Variants in SS18 observed in about 807,000 individuals in gnomAD.
SS18 encodes SS18 subunit of BAF chromatin remodeling complex, also known as protein SSXT.
In SS18, 28 loss-of-function variants were observed where a neutral mutation model predicts 72.5. That is an observed-to-expected ratio of 0.39 (90% CI 0.29 to 0.53). The LOEUF (loss-of-function observed/expected upper bound fraction) is 0.53, where lower values mean the gene tolerates loss of function less well. Among genes scored for constraint, SS18 ranks in the 20% least tolerant of loss-of-function variants. SS18 has a pLI of 0.76. For missense variants in SS18, 518 were observed against 535.3 expected (o/e 0.97, Z 0.32); for synonymous variants, 172 against 164.2 (o/e 1.05, Z -0.37).
rs182847521 is a variant in SS18 at position 26,069,191 on chromosome 18, A to G, written c.231+8885T>C. On this transcript the variant is annotated intron_variant, in intron 3 of 10. Coordinates refer to ENST00000415083, the MANE Select transcript of SS18 (RefSeq NM_001007559.3). Reference sequence around the variant, plus strand: ...GTGTACCTATATCTTTATTATCGTCATCATCGCCAATATTCACTGAGTACC... The same window carrying G: ...GTGTACCTATATCTTTATTATCGTCGTCATCGCCAATATTCACTGAGTACC... Among the ~76,000 whole-genome samples the G allele has an allele frequency of 3.5e-3, 539 of 152,260 alleles. 2 individuals carry two copies. The highest frequency in any genetic ancestry group is 0.01 in the Middle Eastern group (3 of 294).
At chr18:26,051,831 T>C (rs1441790361) in intron 5 of SS18, among the ~76,000 whole-genome samples, 1 of 152,206 alleles carries the variant, frequency 6.6e-6, no homozygotes, top group African/African-American at 2.4e-5. Flanking sequence ...AAAATTATAT[T>C]ATTTCATCAT....
chr18:26,049,446 T>A (rs746076487), intron 5 of SS18, among the ~76,000 whole-genome samples: 1 of 152,222 alleles, frequency 6.6e-6, no homozygotes, highest in Non-Finnish European at 1.5e-5. Flanking sequence ...TGAATTCTAG[T>A]GAAGTTTATG....
intron 5 of SS18, among the ~76,000 whole-genome samples, chr18:26,046,854 A>G (rs1295726646): frequency 6.6e-6 from 1 of 152,222 alleles, no homozygotes; most frequent in Admixed American, 6.5e-5. Context: ...ACAAAATCTA[A>G]AAGTAACATC....
At chr18:26,070,027 G>A (rs2054286702) in intron 3 of SS18, among the ~76,000 whole-genome samples, 2 of 152,122 alleles carry the variant, frequency 1.3e-5, no homozygotes, top group South Asian at 4.1e-4. Context: ...AGGGGATGAG[G>A]ATTGAAAAAT....
Position 26,052,984 on chromosome 18 carries a change from T to C in SS18, c.386-139A>G, listed in dbSNP as rs755292056. On this transcript the variant is annotated intron_variant, in intron 4 of 10. Transcript: ENST00000415083. ...AATCGATAGCAAAGTAAATGGTTTATAGGAAAAGACAGCAAATACTGTGAA... is the reference window on the plus strand; with the variant it reads ...AATCGATAGCAAAGTAAATGGTTTACAGGAAAAGACAGCAAATACTGTGAA... 51 of 684,674 alleles carry C rather than the reference T, an allele frequency of 7.4e-5. No homozygotes were observed. The Middle Eastern group carries it at 2.1e-3, about 28-fold the overall frequency. The allele number at this position is 684,674 out of a possible 1,614,324, so 42.4% of individuals were successfully genotyped here.
chr18:26,054,057 C>T (rs2053969047), intron 4 of SS18, among the ~76,000 whole-genome samples: 1 of 152,144 alleles, frequency 6.6e-6, no homozygotes, highest in Non-Finnish European at 1.5e-5. Flanking sequence ...TTCCACATAA[C>T]CTATGTACAT....
chr18:26,027,638 C>T (rs538295235), intron 10 of SS18, among the ~76,000 whole-genome samples: 2 of 123,438 alleles, frequency 1.6e-5, no homozygotes, highest in African/African-American at 6.0e-5. Flanking sequence ...CGCCACTGCA[C>T]ACCAGCCTGG....
At chr18:26,067,885 G>A (rs2054247591) in intron 3 of SS18, among the ~76,000 whole-genome samples, 1 of 152,088 alleles carries the variant, frequency 6.6e-6, no homozygotes, top group African/African-American at 2.4e-5. Context: ...TGGTGGGAGG[G>A]GCAGGCGAGG....
intron 9 of SS18, among the ~76,000 whole-genome samples, chr18:26,034,235 A>G (rs536394874): frequency 1.3e-5 from 2 of 152,306 alleles, no homozygotes; most frequent in South Asian, 2.1e-4. Flanking sequence ...AATAAAAATA[A>G]TAAGATATTA....
intron 3 of SS18, among the ~76,000 whole-genome samples, chr18:26,064,657 A>T (rs1163487843): frequency 6.6e-6 from 1 of 152,110 alleles, no homozygotes; most frequent in Non-Finnish European, 1.5e-5. Flanking sequence ...TTACTAATGA[A>T]ATACTGGATT....
chr18:26,080,230 A>G, intron 2 of SS18: 1 of 452,898 alleles, frequency 2.2e-6, no homozygotes, highest in Non-Finnish European at 2.9e-6. Flanking sequence ...TCTAGGAAGG[A>G]ACTTAAAATA....
Position 26,046,092 on chromosome 18 carries a change from C to T in SS18, c.607+6532G>A, listed in dbSNP as rs140900351. Among the ~76,000 whole-genome samples, 649 of 147,010 alleles carry T rather than the reference C, an allele frequency of 4.4e-3. 4 individuals carry two copies. The highest frequency in any genetic ancestry group is 0.015 in the African/African-American group (584 of 39,386). On this transcript the variant is annotated intron_variant, in intron 5 of 10. Transcript: ENST00000415083. ...ATCCCAGCTACTCGGGAAGCTGAGG[C>T]AGGAGAATCGAAACACTTGAACCTG...
chr18:26,043,254 C>G (rs2053760890), intron 5 of SS18, among the ~76,000 whole-genome samples: 1 of 152,106 alleles, frequency 6.6e-6, no homozygotes, highest in Non-Finnish European at 1.5e-5. Flanking sequence ...TGTGTACTTC[C>G]TCTCCAAATT....
intron 5 of SS18, among the ~76,000 whole-genome samples, chr18:26,044,807 A>T (rs994581918): frequency 7.2e-5 from 11 of 152,024 alleles, no homozygotes; most frequent in African/African-American, 2.7e-4. Flanking sequence ...GGAGACTGAG[A>T]TCAACCACAT....
chr18:26,016,685 T>G lies in SS18; in HGVS notation c.*1669A>C. On this transcript the variant is annotated 3_prime_UTR_variant, in exon 11 of 11. Transcript: ENST00000415083. ...TTGCAGTGAGCTGAGATTGCGCCACTGCACTCCAGCCTGGGCGACAAGAGC... is the reference window on the plus strand; with the variant it reads ...TTGCAGTGAGCTGAGATTGCGCCACGGCACTCCAGCCTGGGCGACAAGAGC... 1 of 199,178 alleles carries G rather than the reference T, an allele frequency of 5.0e-6. No individual in the cohort carries two copies. The highest frequency in any genetic ancestry group is 7.8e-5 in the East Asian group (1 of 12,764). The allele number at this position is 199,178 out of a possible 1,614,324, so 12.3% of individuals were successfully genotyped here. A position where few individuals can be genotyped will look rare whatever the true frequency, so the allele number is the denominator to read the frequency against.
At chr18:26,039,005 C>T (rs187028254) in intron 6 of SS18, among the ~76,000 whole-genome samples, 1 of 151,594 alleles carries the variant, frequency 6.6e-6, no homozygotes, top group Non-Finnish European at 1.5e-5. Context: ...GGGTTTATTC[C>T]TGACCCTTTA....
chr18:26,084,531 T>C (rs968470817), intron 2 of SS18, among the ~76,000 whole-genome samples: 1 of 143,896 alleles, frequency 6.9e-6, no homozygotes, highest in African/African-American at 2.5e-5. Flanking sequence ...AAAGTTATGA[T>C]ACCACCTTAG....
chr18:26,090,153 C>T (rs2054694168), intron 1 of SS18: 1 of 280,902 alleles, frequency 3.6e-6, no homozygotes, highest in Non-Finnish European at 6.6e-6. Flanking sequence ...GAGCAACGCG[C>T]GGGGCCGCCG....
chr18:26,046,000 A>T (rs922844903), intron 5 of SS18, among the ~76,000 whole-genome samples: 1 of 151,990 alleles, frequency 6.6e-6, no homozygotes, highest in Non-Finnish European at 1.5e-5. Context: ...CAGCCTGGCC[A>T]ATATAGTGAA....
Sources: gnomAD v4.1 joint callset for allele counts (sites outside exome capture counted in the v4.1 genomes callset) on GRCh38, gnomAD v4.1.1 for gene constraint, MANE v1.5 for transcripts, NCBI Gene and HGNC (gene_info 2026-07-23, HGNC 2026-07-21) for gene names.